Variants in XCL2 observed in about 807,000 individuals in gnomAD.
XCL2 encodes cytokine SCM-1 beta.
XCL2 carries 8 observed loss-of-function variants against 7.2 expected under a neutral mutation model. The observed-to-expected ratio is 1.10, with a 90% CI of 0.65 to 1.99. The LOEUF (loss-of-function observed/expected upper bound fraction) is 1.99, where lower values mean the gene tolerates loss of function less well. Among genes scored for constraint, XCL2 ranks in the 30% most tolerant of loss-of-function variants. The pLI, the probability that XCL2 is intolerant of heterozygous loss-of-function variation, is 0.00. For missense variants in XCL2, 131 were observed against 138.6 expected (o/e 0.94, Z 0.28); for synonymous variants, 46 against 54.2 (o/e 0.85, Z 0.67).
Position 168,542,075 on chromosome 1 carries a change from A to T in XCL2, c.94T>A (p.Cys32Ser). Reference sequence around the variant, plus strand: ...AGTCGCTGGGTAGTGAGGCTCACACAGGTCCTCCTATGTGAGACTTCACTC... The same window carrying T: ...AGTCGCTGGGTAGTGAGGCTCACACTGGTCCTCCTATGTGAGACTTCACTC... Reference protein sequence around the residue: ...VGSEVSHRRTCVSLTTQRLPV... With the variant: ...VGSEVSHRRTSVSLTTQRLPV... The change falls in exon 2 of 3, where the codon TGT (cysteine) becomes AGT (serine). Residue 32 changes from cysteine (C) to serine (S), a missense_variant. Transcript: ENST00000367819. 6.4e-7 allele frequency: 1 copy of T among 1,552,444 alleles called. No homozygotes were observed. The highest frequency in any genetic ancestry group is 8.8e-7 in the Non-Finnish European group (1 of 1,142,020).
intron 1 of XCL2, among the ~76,000 whole-genome samples, chr1:168,542,377 A>G (rs1654306302): frequency 6.6e-6 from 1 of 151,964 alleles, no homozygotes; most frequent in Admixed American, 6.6e-5. Context: ...GTCTCTGTGT[A>G]TATTTTCACT....
At chr1:168,541,154 C>T in intron 2 of XCL2, 34 bp from the exon 3 acceptor site, 5 of 1,609,034 alleles carry the variant, frequency 3.1e-6, no homozygotes, top group Non-Finnish European at 4.3e-6. Flanking sequence ...TGAAGTTAGC[C>T]ACGTTCTCAA....
chr1:168,541,897 T>C, intron 2 of XCL2, 96 bp downstream of exon 2: 1 of 1,097,480 alleles, frequency 9.1e-7, no homozygotes, highest in Non-Finnish European at 1.3e-6. Context: ...TCCTCTATGC[T>C]GACCTACTTT....
chr1:168,541,480 T>A (rs1321122315), intron 2 of XCL2, among the ~76,000 whole-genome samples: 11 of 152,154 alleles, frequency 7.2e-5, no homozygotes, highest in Non-Finnish European at 1.3e-4. Context: ...AAAAGGTGAT[T>A]TTTACATTTT....
intron 1 of XCL2, 47 bp downstream of exon 1, chr1:168,543,857 T>C (rs761385380): frequency 8.1e-6 from 13 of 1,599,804 alleles, no homozygotes; most frequent in African/African-American, 8.1e-5. Flanking sequence ...TGTGCCCACC[T>C]GCCTTGCCTC....
At position 168,541,131 on chromosome 1, in the gene XCL2, A is replaced by G; in HGVS notation, c.177-11T>C. The G allele has an allele frequency of 6.2e-7, 1 of 1,612,780 alleles. No individual in the cohort carries two copies. Among genetic ancestry groups the G allele is most frequent in the East Asian group, 2.2e-5 (1 of 44,862 alleles). ...CGTTTGGTAATAAAACTGTAACGCA[A>G]GGAAAAGACAGATGAAGTTAGCCAC... On this transcript the variant is annotated splice_polypyrimidine_tract_variant and intron_variant, in intron 2 of 2. Transcript: ENST00000367819.
chr1:168,543,953 G>A lies in XCL2; in HGVS notation c.12C>T (p.Leu4=), dbSNP rs772636225. 3.1e-6 allele frequency: 5 copies of A among 1,608,744 alleles called. No homozygotes were observed. Among genetic ancestry groups the A allele is most frequent in the Non-Finnish European group, 4.2e-6 (5 of 1,177,828 alleles). ...AGCAGATGCCAAGGAGGGCCAGGATGAGAAGTCTCATGGCTGAGGTCCCGC... is the reference window on the plus strand; with the variant it reads ...AGCAGATGCCAAGGAGGGCCAGGATAAGAAGTCTCATGGCTGAGGTCCCGC... The part of the protein sequence containing the change: MRL[L]ILALLGICSL... Residue 4 remains leucine (L), a synonymous_variant, in exon 1 of 3, where the codon CTC becomes CTT. Transcript: ENST00000367819.
In XCL2 at chr1:168,542,123, A is replaced by C. The variant is rs748517105; in HGVS notation, c.62-16T>G. On this transcript the variant is annotated splice_polypyrimidine_tract_variant and intron_variant, in intron 1 of 2. Transcript: ENST00000367819. ...CTCCCTACACCTGATGAGGAAAAAA[A>C]AACAACAGACAATTAAAAATAAAGC... is the stretch of plus-strand genomic sequence containing the variant. 4.7e-6 allele frequency: 7 copies of C among 1,474,972 alleles called. No individual in the cohort carries two copies. The South Asian group carries it at 5.4e-5, about 11-fold the overall frequency. The allele number at this position is 1,474,972 out of a possible 1,614,324, so 91.4% of individuals were successfully genotyped here. A position where few individuals can be genotyped will look rare whatever the true frequency, so the allele number is the denominator to read the frequency against.
intron 1 of XCL2, among the ~76,000 whole-genome samples, chr1:168,542,526 C>G (rs1294107754): frequency 6.6e-6 from 1 of 151,898 alleles, no homozygotes; most frequent in Non-Finnish European, 1.5e-5. Context: ...CATGAGGGAG[C>G]CAGGCAGCAG....
rs1281295067 is a variant in XCL2, at chr1:168,540,856, G to A, written c.*96C>T. The A allele has an allele frequency of 2.9e-6, 4 of 1,388,496 alleles. No individual in the cohort carries two copies. The highest frequency in any genetic ancestry group is 2.9e-6 in the Non-Finnish European group (3 of 1,037,446). The allele number at this position is 1,388,496 out of a possible 1,614,324, so 86.0% of individuals were successfully genotyped here. A position where few individuals can be genotyped will look rare whatever the true frequency, so the allele number is the denominator to read the frequency against. On this transcript the variant is annotated 3_prime_UTR_variant, in exon 3 of 3. Transcript: ENST00000367819. ...AATACAAAGGAATAATTTTATTCAT[G>A]CAGTGCTTTCATAAAAGGTGAGTAT...
intron 2 of XCL2, among the ~76,000 whole-genome samples, chr1:168,541,648 T>C (rs570716980): frequency 2.0e-5 from 3 of 152,228 alleles, no homozygotes; most frequent in Non-Finnish European, 4.4e-5. Flanking sequence ...AACTCAACCC[T>C]AAGATCCCCC....
intron 2 of XCL2, among the ~76,000 whole-genome samples, 163 bp downstream of exon 2, chr1:168,541,830 G>A (rs1336849368): frequency 6.6e-6 from 1 of 152,184 alleles, no homozygotes; most frequent in African/African-American, 2.4e-5. Flanking sequence ...CGGTTGGGCT[G>A]CAGAAAGACA....
intron 2 of XCL2, 109 bp from the exon 3 acceptor site, chr1:168,541,229 A>G: frequency 7.3e-7 from 1 of 1,373,490 alleles, no homozygotes; most frequent in Non-Finnish European, 9.8e-7. Context: ...AATTACTGCA[A>G]GAAATAGTCT....
Position 168,541,064 on chromosome 1 carries a change from C to T in XCL2, c.233G>A (p.Arg78Lys). 1.2e-6 allele frequency: 2 copies of T among 1,613,700 alleles called. No individual in the cohort carries two copies. The highest frequency in any genetic ancestry group is 1.7e-6 in the Non-Finnish European group (2 of 1,179,736). The change falls in exon 3 of 3, where the codon AGA (arginine) becomes AAA (lysine). Residue 78 changes from arginine (R) to lysine (K), a missense_variant. Coordinates refer to ENST00000367819, the MANE Select transcript of XCL2 (RefSeq NM_003175.4). ...CCTGTCCATGCTCCTGACCACGTCT[C>T]TCACCCACGTGGCTTGTGGATCAGC... is the stretch of plus-strand genomic sequence containing the variant. ...VCADPQATWV[R>K]DVVRSMDRKS...
chr1:168,541,958 C>T, intron 2 of XCL2, 35 bp downstream of exon 2: 1 of 1,604,034 alleles, frequency 6.2e-7, no homozygotes, highest in Non-Finnish European at 8.5e-7. Flanking sequence ...CCTCTAGGTA[C>T]CCACCCAGCC....
Position 168,541,026 on chromosome 1 carries a change from T to G in XCL2, c.271A>C (p.Arg91=). Residue 91 remains arginine (R), a synonymous_variant, in exon 3 of 3, where the codon AGA becomes CGA. Transcript: ENST00000367819. The part of the protein sequence containing the change: ...VRSMDRKSNT[R]NNMIQTKPTG... The stretch of plus-strand genomic sequence containing the variant: ...GGCTTGGTCTGGATCATGTTATTTC[T>G]GGTGTTGGATTTCCTGTCCATGCTC... The G allele has an allele frequency of 6.2e-7, 1 of 1,613,706 alleles. No individual in the cohort carries two copies. The highest frequency in any genetic ancestry group is 8.5e-7 in the Non-Finnish European group (1 of 1,179,722).
chr1:168,543,118 T>G, intron 1 of XCL2: 1 of 345,762 alleles, frequency 2.9e-6, no homozygotes, highest in East Asian at 1.3e-4. Context: ...GCAAAGGGGT[T>G]GTCCCCACTA....
At position 168,543,708 on chromosome 1, in the gene XCL2, A is replaced by T. The variant is rs551359199; in HGVS notation, c.61+196T>A. On this transcript the variant is annotated intron_variant, in intron 1 of 2. Coordinates refer to ENST00000367819, the MANE Select transcript of XCL2 (RefSeq NM_003175.4). ...TAGGAAAAGTAGGAGCCCAGATACT[A>T]ATCAAATTCTCCCTGTTTTGGAAGT... Among the ~76,000 whole-genome samples the T allele has an allele frequency of 9.9e-4, 150 of 151,266 alleles. 2 individuals carry two copies. Among genetic ancestry groups the T allele is most frequent in the African/African-American group, 3.4e-3 (142 of 41,418 alleles).
At chr1:168,541,174 G>A (rs1654274038) in intron 2 of XCL2, 54 bp from the exon 3 acceptor site, 2 of 1,599,154 alleles carry the variant, frequency 1.3e-6, no homozygotes, top group African/African-American at 1.3e-5. Context: ...AAGCCTCAGG[G>A]TCAGGAGTTA....
Sources: allele counts gnomAD v4.1 joint callset (sites outside exome capture counted in the v4.1 genomes callset), GRCh38; gene constraint gnomAD v4.1.1; transcripts MANE v1.5; gene names NCBI Gene and HGNC (gene_info 2026-07-23, HGNC 2026-07-21).